The following CGRRF1 variants were observed in gnomAD, a reference collection of about 807,000 sequenced individuals.
The protein encoded by CGRRF1 is cell growth regulator with ring finger domain 1.
CGRRF1 carries 32 observed loss-of-function variants against 37.2 expected under a neutral mutation model. That is an observed-to-expected ratio of 0.86 (90% CI 0.65 to 1.16). The LOEUF is 1.16. Among genes scored for constraint, CGRRF1 ranks in the 50% most tolerant of loss-of-function variants. The probability of loss-of-function intolerance (pLI) is 0.00; values close to 1 mark genes in which losing one functional copy is unlikely to be tolerated. For missense variants in CGRRF1, 391 were observed against 382.6 expected (o/e 1.02, Z -0.18); for synonymous variants, 141 against 140.3 (o/e 1.00, Z -0.04).
intron 2 of CGRRF1, among the ~76,000 whole-genome samples, chr14:54,526,402 G>C (rs746665470): frequency 5.7e-4 from 86 of 151,372 alleles, no homozygotes; most frequent in Non-Finnish European, 1.1e-3. Context: ...GCCCACCTCG[G>C]CCTCCCAAAG....
intron 2 of CGRRF1, among the ~76,000 whole-genome samples, chr14:54,529,676 C>G (rs2032475216): frequency 1.3e-5 from 2 of 152,232 alleles, no homozygotes; most frequent in Non-Finnish European, 2.9e-5. Context: ...TGCACTGTTT[C>G]TTGTCGTTAG....
At chr14:54,533,192 T>G (rs2032546226) in intron 4 of CGRRF1, among the ~76,000 whole-genome samples, 1 of 152,106 alleles carries the variant, frequency 6.6e-6, no homozygotes, top group East Asian at 1.9e-4. Flanking sequence ...GTTTACCATT[T>G]TAACCATTTT....
In CGRRF1 at chr14:54,522,576, C is replaced by T. The variant is rs769648791; in HGVS notation, c.227C>T (p.Ser76Phe). ...TTTGGCTTAGAGATCACTAATCCAT[C>T]TTCAGCTTCAATTACAAGTTGGTGG... ...NPFGLEITNP[S>F]SASITTGITL... is the part of the protein sequence containing the mutation. The change falls in exon 2 of 6, where the codon TCT becomes TTT. Residue 76 changes from serine to phenylalanine, a missense_variant. Ser to Phe is a radical substitution (Grantham distance 155). Coordinates refer to ENST00000216420, the MANE Select transcript of CGRRF1 (RefSeq NM_006568.3). The T allele has an allele frequency of 1.9e-6, 3 of 1,580,296 alleles. No homozygotes were observed. Among genetic ancestry groups the T allele is most frequent in the Admixed American group, 2.0e-5 (1 of 50,556 alleles).
intron 1 of CGRRF1, among the ~76,000 whole-genome samples, chr14:54,513,182 T>C (rs560952961): frequency 1.3e-5 from 2 of 152,276 alleles, no homozygotes; most frequent in South Asian, 4.1e-4. Context: ...AAGATAGAAT[T>C]TGGGGGCATC....
chr14:54,531,251 A>G (rs1566512236), intron 4 of CGRRF1: 1 of 500,054 alleles, frequency 2.0e-6, no homozygotes, highest in East Asian at 3.4e-5. Context: ...GGTCACAGTA[A>G]TATGACTTTA....
intron 2 of CGRRF1, among the ~76,000 whole-genome samples, chr14:54,523,967 C>T (rs959318581): frequency 2.6e-5 from 4 of 152,296 alleles, no homozygotes; most frequent in South Asian, 2.1e-4. Context: ...TAGCTACTGC[C>T]GTATTTCTCT....
intron 3 of CGRRF1, 27 bp downstream of exon 3, chr14:54,530,253 A>G: frequency 6.5e-7 from 1 of 1,540,210 alleles, no homozygotes. Context: ...TATACCCATT[A>G]GCACTGAAAA....
At chr14:54,517,780 T>C (rs2032242258) in intron 1 of CGRRF1, among the ~76,000 whole-genome samples, 1 of 152,156 alleles carries the variant, frequency 6.6e-6, no homozygotes, top group Admixed American at 6.5e-5. Context: ...CTCCCCCAGC[T>C]CCCACCCTGA....
intron 2 of CGRRF1, among the ~76,000 whole-genome samples, chr14:54,524,867 T>C (rs2032386846): frequency 6.6e-6 from 1 of 152,132 alleles, no homozygotes; most frequent in African/African-American, 2.4e-5. Flanking sequence ...ATGACACAGA[T>C]AAAACTAATT....
chr14:54,514,004 G>A (rs1443720570), intron 1 of CGRRF1, among the ~76,000 whole-genome samples: 1 of 152,050 alleles, frequency 6.6e-6, no homozygotes, highest in Admixed American at 6.5e-5. Flanking sequence ...CAGTCACTCT[G>A]AGCCTCCATT....
intron 4 of CGRRF1, among the ~76,000 whole-genome samples, chr14:54,531,977 C>T (rs1204437614): frequency 1.3e-5 from 2 of 152,110 alleles, no homozygotes; most frequent in African/African-American, 4.8e-5. Context: ...CGTTCACAAA[C>T]ATGAACTTAT....
At chr14:54,536,439 T>A (rs2032603021) in intron 4 of CGRRF1, 1 of 152,220 alleles carries the variant, frequency 6.6e-6, no homozygotes, top group Admixed American at 6.5e-5. Flanking sequence ...AATTGTATGG[T>A]TGAAGTGTAA....
Position 54,531,878 on chromosome 14 carries a change from T to C in CGRRF1, c.570+828T>C, listed in dbSNP as rs915084359. Among the ~76,000 whole-genome samples, 3 of 152,170 alleles carry C rather than the reference T, an allele frequency of 2.0e-5. No homozygotes were observed. In the East Asian group the frequency reaches 5.8e-4, roughly 29 times the overall value. On this transcript the variant is annotated intron_variant, in intron 4 of 5. Coordinates refer to ENST00000216420, the MANE Select transcript of CGRRF1 (RefSeq NM_006568.3). ...ATGGTAAAAATGTCCTTACACACAA[T>C]TGACTACTTTTCTGAAGTATTTAAT...
intron 1 of CGRRF1, among the ~76,000 whole-genome samples, chr14:54,519,411 A>ATTTTTTTT (rs1217283462): frequency 8.2e-6 from 1 of 121,602 alleles, no homozygotes; most frequent in Non-Finnish European, 1.8e-5. Context: ...CTAATTTTCC[A>ATTTTTTTT]TTTTTTTTTT....
chr14:54,532,618 A>G (rs1288703610), intron 4 of CGRRF1, among the ~76,000 whole-genome samples: 1 of 152,240 alleles, frequency 6.6e-6, no homozygotes, highest in South Asian at 2.1e-4. Flanking sequence ...TACAAAATAC[A>G]AAAGTCATAC....
chr14:54,515,391 C>T (rs779719423), intron 1 of CGRRF1, among the ~76,000 whole-genome samples: 12 of 151,840 alleles, frequency 7.9e-5, no homozygotes, highest in African/African-American at 1.9e-4. Context: ...CGCGCCCGGC[C>T]GGGTGAGATG....
chr14:54,537,073 T>TA (rs1355322893), intron 4 of CGRRF1: 12 of 152,194 alleles, frequency 7.9e-5, no homozygotes, highest in Admixed American at 5.2e-4. Context: ...TACTGTTTAT[T>TA]AAAAAAACTC....
intron 2 of CGRRF1, among the ~76,000 whole-genome samples, chr14:54,523,517 CTT>C (rs200889308): frequency 6.7e-6 from 1 of 148,822 alleles, no homozygotes; most frequent in Non-Finnish European, 1.5e-5. Context: ...GTCTCTCTTA[CTT>C]TTTTTTTCTT....
intron 1 of CGRRF1, among the ~76,000 whole-genome samples, chr14:54,517,242 C>T (rs1321071744): frequency 1.3e-5 from 2 of 151,982 alleles, no homozygotes; most frequent in Non-Finnish European, 2.9e-5. Flanking sequence ...TGAATTTTAC[C>T]TTACTAGGTG....
Sources: gnomAD v4.1 joint callset for allele counts (sites outside exome capture counted in the v4.1 genomes callset) on GRCh38, gnomAD v4.1.1 for gene constraint, MANE v1.5 for transcripts, NCBI Gene and HGNC (gene_info 2026-07-23, HGNC 2026-07-21) for gene names.